Variants in TREM1 observed in about 807,000 individuals in gnomAD.
TREM1 encodes triggering receptor expressed on myeloid cells 1.
In TREM1, 16 loss-of-function variants were observed where a neutral mutation model predicts 22.4. The ratio of observed to expected loss-of-function variants is 0.71; its 90% CI spans 0.48 to 1.08. The LOEUF (loss-of-function observed/expected upper bound fraction) is 1.08. TREM1 is among the 50% of genes least tolerant of loss of function. TREM1 has a pLI of 0.00. For missense variants in TREM1, 283 were observed against 282.9 expected (o/e 1.00, Z 0.00); for synonymous variants, 110 against 111.6 (o/e 0.99, Z 0.09).
rs1468980857 is a variant in TREM1, at chr6:41,282,500, C to A, written c.301G>T (p.Val101Phe). 2 of 1,614,200 alleles carry A rather than the reference C, an allele frequency of 1.2e-6. No homozygotes were observed. The highest frequency in any genetic ancestry group is 1.3e-5 in the African/African-American group (1 of 75,038). Reference sequence around the variant, plus strand: ...CCAGAATCTTCCACTTGAAGGTTGACCATTCGGACGCGCAGTAAACCATGA... The same window carrying A: ...CCAGAATCTTCCACTTGAAGGTTGAACATTCGGACGCGCAGTAAACCATGA... Reference protein sequence around the residue: ...HDHGLLRVRMVNLQVEDSGLY... With the variant: ...HDHGLLRVRMFNLQVEDSGLY... Residue 101 changes from valine to phenylalanine, a missense_variant, in exon 2 of 4, where the codon GTC becomes TTC. Val to Phe is a conservative substitution (Grantham distance 50, BLOSUM62 -1). Transcript: ENST00000244709.
intron 3 of TREM1, among the ~76,000 whole-genome samples, chr6:41,268,300 T>C (rs957287981): frequency 6.6e-6 from 1 of 152,226 alleles, no homozygotes; most frequent in African/African-American, 2.4e-5. Context: ...GCTATCAAAA[T>C]GGCACTGCCT....
chr6:41,284,785 C>T (rs1332097046), intron 1 of TREM1, among the ~76,000 whole-genome samples: 3 of 152,200 alleles, frequency 2.0e-5, no homozygotes, highest in Non-Finnish European at 4.4e-5. Flanking sequence ...GAAGACTCAA[C>T]TCAGGGACTC....
At chr6:41,283,829 C>T (rs1768040014) in intron 1 of TREM1, among the ~76,000 whole-genome samples, 1 of 152,150 alleles carries the variant, frequency 6.6e-6, no homozygotes, top group African/African-American at 2.4e-5. Context: ...CTCCCTGAGA[C>T]TGCTGTAGCC....
chr6:41,286,000 A>G lies in TREM1; in HGVS notation c.49+607T>C, dbSNP rs1233720212. ...GCCCGCATGCTTCTGGTTTGGGTGC[A>G]GATGTGAGCTGTGCGGATCGTAAGA... On this transcript the variant is annotated intron_variant, in intron 1 of 3. Transcript: ENST00000244709. 3.9e-5 allele frequency among the ~76,000 whole-genome samples: 6 copies of G among 152,208 alleles called. No individual in the cohort carries two copies. In the East Asian group the frequency reaches 7.7e-4, roughly 20 times the overall value.
chr6:41,284,392 C>G (rs867455378), intron 1 of TREM1, among the ~76,000 whole-genome samples: 1 of 152,084 alleles, frequency 6.6e-6, no homozygotes, highest in African/African-American at 2.4e-5. Context: ...TCTTGGAGTC[C>G]GAACTGGGTT....
chr6:41,267,826 T>A, downstream of TREM1: 1 of 396,850 alleles, frequency 2.5e-6, no homozygotes, highest in South Asian at 1.4e-4. Context: ...GTCAACTCAG[T>A]TTGGTTACAT....
intron 1 of TREM1, among the ~76,000 whole-genome samples, chr6:41,286,129 C>T (rs1028710820): frequency 1.8e-4 from 28 of 152,320 alleles, no homozygotes; most frequent in African/African-American, 6.3e-4. Context: ...ATCACCTCCA[C>T]CAAAATGAGC....
downstream of TREM1, among the ~76,000 whole-genome samples, chr6:41,273,254 C>A (rs1223936386): frequency 6.6e-6 from 1 of 152,198 alleles, no homozygotes; most frequent in Non-Finnish European, 1.5e-5. Context: ...CTCTGCTGTC[C>A]ATTCTCTCTT....
chr6:41,280,900 C>G, intron 3 of TREM1, 61 bp downstream of exon 3: 1 of 1,612,408 alleles, frequency 6.2e-7, no homozygotes. Flanking sequence ...TCTCAGCACA[C>G]AGACTGGGAA....
intron 3 of TREM1, chr6:41,280,686 AC>A (rs1481132099): frequency 7.0e-7 from 1 of 1,418,824 alleles, no homozygotes; most frequent in Non-Finnish European, 9.2e-7. Context: ...CTCCACTGGA[AC>A]TTGGGGAAGA....
At chr6:41,285,161 A>G (rs1411836231) in intron 1 of TREM1, among the ~76,000 whole-genome samples, 1 of 152,234 alleles carries the variant, frequency 6.6e-6, no homozygotes, top group Non-Finnish European at 1.5e-5. Context: ...TGGGAGTTAC[A>G]GGTGACTGAG....
At chr6:41,278,530 T>C (rs942877250) in intron 3 of TREM1, among the ~76,000 whole-genome samples, 8 of 151,672 alleles carry the variant, frequency 5.3e-5, no homozygotes, top group African/African-American at 1.5e-4. Flanking sequence ...AAGTATTAGC[T>C]GTCCTGGTGG....
chr6:41,284,953 T>C (rs1207614108), intron 1 of TREM1, among the ~76,000 whole-genome samples: 1 of 152,194 alleles, frequency 6.6e-6, no homozygotes, highest in Non-Finnish European at 1.5e-5. Flanking sequence ...GGCTGAGTGT[T>C]GTCTGAAACC....
At chr6:41,281,211 G>A (rs1049516119) in intron 2 of TREM1, 58 bp from the exon 3 acceptor site, 1 of 1,573,088 alleles carries the variant, frequency 6.4e-7, no homozygotes, top group Admixed American at 1.8e-5. Context: ...TGGGTGGATG[G>A]GTGGGTGAAT....
rs370547826 is a variant in TREM1, at chr6:41,276,249, T to C, written c.600-19A>G. 5 of 1,589,654 alleles carry C rather than the reference T, an allele frequency of 3.1e-6. No individual in the cohort carries two copies. The highest frequency in any genetic ancestry group is 1.3e-5 in the African/African-American group (1 of 74,354). On this transcript the variant is annotated intron_variant, in intron 3 of 3. Coordinates refer to ENST00000244709, the MANE Select transcript of TREM1 (RefSeq NM_018643.5). ...CGGAACCCTGCGGGAGACAAGAGGC[T>C]GAACGCTACTGCTGGCAAAGTCTCT... is the stretch of plus-strand genomic sequence containing the variant.
At chr6:41,270,205 A>G (rs116360694), downstream of TREM1, 1 of 152,074 alleles carries the variant, frequency 6.6e-6, no homozygotes, top group Non-Finnish European at 1.5e-5. Context: ...TTGCTCCTCC[A>G]TGTCACCTAC....
intron 1 of TREM1, among the ~76,000 whole-genome samples, chr6:41,285,176 CA>C (rs1167686847): frequency 6.6e-6 from 1 of 152,162 alleles, no homozygotes; most frequent in Non-Finnish European, 1.5e-5. Flanking sequence ...ACTGAGTTTG[CA>C]AACTTGCCTG....
intron 3 of TREM1, chr6:41,279,649 CAT>C (rs1242808517): frequency 2.0e-6 from 2 of 985,296 alleles, no homozygotes; most frequent in Non-Finnish European, 2.4e-6. Context: ...AGTCTACACT[CAT>C]AGAGAAATTA....
At chr6:41,279,709 C>T (rs1419130733) in intron 3 of TREM1, 26 of 985,306 alleles carry the variant, frequency 2.6e-5, no homozygotes, top group Non-Finnish European at 2.9e-5. Flanking sequence ...TGATTTAACT[C>T]ACACTATTTA....
Sources: gnomAD v4.1 joint callset for allele counts (sites outside exome capture counted in the v4.1 genomes callset) on GRCh38, gnomAD v4.1.1 for gene constraint, MANE v1.5 for transcripts, NCBI Gene and HGNC (gene_info 2026-07-23, HGNC 2026-07-21) for gene names.